Variants in FSTL5 observed in about 807,000 individuals in gnomAD.
FSTL5 encodes follistatin like 5, also known as follistatin-related protein 5.
In FSTL5, 62 loss-of-function variants were observed where a neutral mutation model predicts 89.1. That is an observed-to-expected ratio of 0.70 (90% CI 0.57 to 0.86). The LOEUF is 0.86. FSTL5 is among the 40% of genes least tolerant of loss of function. FSTL5 has a pLI of 0.00. For missense variants in FSTL5, 1,057 were observed against 1,001.6 expected, an observed-to-expected ratio of 1.06 and a Z score of -0.75; for synonymous variants, 383 against 346.2, an observed-to-expected ratio of 1.11 and a Z score of -1.18.
chr4:161,522,094 G>A (rs1221471404), intron 10 of FSTL5, among the ~76,000 whole-genome samples: 1 of 151,960 alleles, frequency 6.6e-6, no homozygotes, highest in Admixed American at 6.6e-5. Flanking sequence ...CATACAAGAA[G>A]GTTACTATAT....
intron 12 of FSTL5, among the ~76,000 whole-genome samples, chr4:161,485,652 CTG>C (rs1311733612): frequency 2.0e-5 from 3 of 152,046 alleles, no homozygotes; most frequent in African/African-American, 7.2e-5. Flanking sequence ...TTTAAAAAAA[CTG>C]AGTAGTTCTA....
chr4:161,850,337 T>G (rs1175496077), intron 4 of FSTL5, among the ~76,000 whole-genome samples: 1 of 152,164 alleles, frequency 6.6e-6, no homozygotes, highest in Non-Finnish European at 1.5e-5. Flanking sequence ...AATTCATTGA[T>G]TGTATTACTG....
At chr4:161,513,768 A>G (rs1435687967) in intron 10 of FSTL5, among the ~76,000 whole-genome samples, 2 of 152,176 alleles carry the variant, frequency 1.3e-5, no homozygotes, top group Non-Finnish European at 2.9e-5. Flanking sequence ...GTTCTCACTT[A>G]TAAGTGGGAG....
intron 6 of FSTL5, among the ~76,000 whole-genome samples, chr4:161,679,162 G>C (rs1254314537): frequency 6.6e-6 from 1 of 151,444 alleles, no homozygotes; most frequent in Non-Finnish European, 1.5e-5. Context: ...TGCAAAATTG[G>C]AAAACTTATA....
At chr4:161,911,664 G>T (rs548098205) in intron 4 of FSTL5, among the ~76,000 whole-genome samples, 1 of 152,126 alleles carries the variant, frequency 6.6e-6, no homozygotes, top group Non-Finnish European at 1.5e-5. Context: ...ATGCTTTATC[G>T]AAACGAGAGG....
chr4:161,900,984 C>T (rs929212081), intron 4 of FSTL5, among the ~76,000 whole-genome samples: 10 of 151,914 alleles, frequency 6.6e-5, no homozygotes, highest in Non-Finnish European at 1.3e-4. Context: ...CTAGTAAACT[C>T]GGTCATTTAT....
rs1314846499 is a variant in FSTL5 at position 161,488,910 on chromosome 4, T to G, written c.1459-7741A>C. ...GCATATAGGGCAAGGAGAATTTTAT[T>G]CTCTCTATCTGGCGTTTGGCAGTCC... On this transcript the variant is annotated intron_variant, in intron 12 of 15. Coordinates refer to ENST00000306100, the MANE Select transcript of FSTL5 (RefSeq NM_020116.5). 2.0e-5 allele frequency among the ~76,000 whole-genome samples: 3 copies of G among 152,112 alleles called. No homozygotes were observed. The East Asian group carries it at 5.8e-4, about 29-fold the overall frequency.
intron 4 of FSTL5, among the ~76,000 whole-genome samples, chr4:161,860,170 C>G (rs13139950): frequency 0.36 from 54,430 of 151,182 alleles, 9,877 homozygotes; most frequent in East Asian, 0.47. Context: ...CGCCTGTAGT[C>G]CCAGCTACTC....
chr4:161,686,323 TATATATATATA>T (rs1737720422), intron 6 of FSTL5, among the ~76,000 whole-genome samples: 1 of 6,136 alleles, frequency 1.6e-4, no homozygotes, highest in Non-Finnish European at 4.4e-4. Context: ...TATATATATA[TATATATATATA>T]TATATATATA....
intron 13 of FSTL5, among the ~76,000 whole-genome samples, chr4:161,469,983 A>G (rs1459747956): frequency 6.6e-6 from 1 of 152,086 alleles, no homozygotes; most frequent in Non-Finnish European, 1.5e-5. Flanking sequence ...CTCTATATAC[A>G]TTGGATAGTA....
intron 13 of FSTL5, among the ~76,000 whole-genome samples, chr4:161,474,588 C>G (rs1442170631): frequency 6.7e-6 from 1 of 148,716 alleles, no homozygotes; most frequent in African/African-American, 2.5e-5. Context: ...CTCTCTCGCT[C>G]AGGCTGGAGT....
chr4:161,750,175 T>C (rs1388428143), intron 6 of FSTL5, among the ~76,000 whole-genome samples: 1 of 152,222 alleles, frequency 6.6e-6, no homozygotes, highest in African/African-American at 2.4e-5. Context: ...ATGTGATTTA[T>C]GTACAAATGG....
At chr4:161,846,674 A>T (rs752731819) in intron 4 of FSTL5, among the ~76,000 whole-genome samples, 10 of 152,074 alleles carry the variant, frequency 6.6e-5, no homozygotes, top group Non-Finnish European at 1.5e-4. Flanking sequence ...TTTTTATGTC[A>T]TTGACATTTT....
At chr4:161,485,652 C>T (rs1578870679) in intron 12 of FSTL5, among the ~76,000 whole-genome samples, 3 of 152,164 alleles carry the variant, frequency 2.0e-5, no homozygotes, top group Middle Eastern at 3.4e-3. Context: ...TTTAAAAAAA[C>T]TGAGTAGTTC....
At position 161,685,683 on chromosome 4, in the gene FSTL5, T is replaced by C. The variant is rs578088078; in HGVS notation, c.728-29189A>G. Among the ~76,000 whole-genome samples the C allele has an allele frequency of 3.9e-5, 6 of 152,300 alleles. No individual in the cohort carries two copies. In the South Asian group the frequency reaches 1.2e-3, roughly 32 times the overall value. On this transcript the variant is annotated intron_variant, in intron 6 of 15. Coordinates refer to ENST00000306100, the MANE Select transcript of FSTL5 (RefSeq NM_020116.5). ...TTGGAAGAGCCTTTAGTTTTCTTGGTAAACAATCATATCATTAGCAAACAA... is the reference window on the plus strand; with the variant it reads ...TTGGAAGAGCCTTTAGTTTTCTTGGCAAACAATCATATCATTAGCAAACAA...
intron 3 of FSTL5, among the ~76,000 whole-genome samples, chr4:161,998,649 T>C (rs533576772): frequency 1.7e-4 from 26 of 152,294 alleles, no homozygotes; most frequent in African/African-American, 6.0e-4. Context: ...TCTTACAATA[T>C]GTATTCAACA....
At chr4:161,548,941 T>C (rs955899050) in intron 8 of FSTL5, among the ~76,000 whole-genome samples, 1 of 151,904 alleles carries the variant, frequency 6.6e-6, no homozygotes, top group Non-Finnish European at 1.5e-5. Flanking sequence ...AAAATTAACA[T>C]GCTATCTTTA....
At position 161,433,645 on chromosome 4, in the gene FSTL5, T is replaced by C. The variant is rs534514303; in HGVS notation, c.1841+21359A>G. Among the ~76,000 whole-genome samples, 253 of 152,244 alleles carry C rather than the reference T, an allele frequency of 1.7e-3. 1 individual carries two copies. Among genetic ancestry groups the C allele is most frequent in the Middle Eastern group, 6.8e-3 (2 of 294 alleles). On this transcript the variant is annotated intron_variant, in intron 15 of 15. Coordinates refer to ENST00000306100, the MANE Select transcript of FSTL5 (RefSeq NM_020116.5). ...ATCCTTGTATGCAGATGATATAATCTTATATTTGGTAAACCTAAAGATTCC... is the reference window on the plus strand; with the variant it reads ...ATCCTTGTATGCAGATGATATAATCCTATATTTGGTAAACCTAAAGATTCC...
At chr4:161,672,075 G>A (rs1313927226) in intron 6 of FSTL5, among the ~76,000 whole-genome samples, 1 of 152,066 alleles carries the variant, frequency 6.6e-6, no homozygotes, top group Non-Finnish European at 1.5e-5. Context: ...CCAGTAAACT[G>A]CTTACACAGA....
Sources: allele counts gnomAD v4.1 joint callset (sites outside exome capture counted in the v4.1 genomes callset), GRCh38; gene constraint gnomAD v4.1.1; transcripts MANE v1.5; gene names NCBI Gene and HGNC (gene_info 2026-07-23, HGNC 2026-07-21).